ZXDC: variants seen among roughly 807,000 people sequenced by gnomAD.
ZXDC encodes the protein zinc finger protein ZXDC.
Under a neutral mutation model 63.6 loss-of-function variants are expected in ZXDC, and 58 were observed. That is an observed-to-expected ratio of 0.91 (90% CI 0.74 to 1.13). ZXDC has a LOEUF of 1.13. ZXDC is among the 50% of genes most tolerant of loss of function. The pLI is 0.00. For synonymous variants in ZXDC, 561 were observed against 496.1 expected (o/e 1.13, Z -1.74); for missense variants, 1,133 against 1,148.9 (o/e 0.99, Z 0.20).
chr3:126,458,990 C>A, intron 7 of ZXDC: 2 of 980,868 alleles, frequency 2.0e-6, no homozygotes, highest in Non-Finnish European at 2.4e-6. Flanking sequence ...TCATATCAAC[C>A]CTTTTAGATA....
intron 1 of ZXDC, 103 bp from the exon 2 acceptor site, chr3:126,472,408 A>G (rs1935015216): frequency 1.4e-6 from 2 of 1,391,336 alleles, no homozygotes; most frequent in African/African-American, 1.4e-5. Context: ...TGAAGCAGAC[A>G]AGGGAAAACA....
intron 9 of ZXDC, among the ~76,000 whole-genome samples, chr3:126,438,845 C>A (rs1174883571): frequency 6.6e-6 from 1 of 152,190 alleles, no homozygotes; most frequent in Non-Finnish European, 1.5e-5. Context: ...TGGCCCAGGG[C>A]TATGGAGGCC....
Position 126,461,582 on chromosome 3 carries a change from C to T in ZXDC, c.2080G>A (p.Gly694Ser), listed in dbSNP as rs560378046. The T allele has an allele frequency of 5.5e-5, 89 of 1,614,018 alleles. No homozygotes were observed. The highest frequency in any genetic ancestry group is 7.3e-5 in the Non-Finnish European group (86 of 1,180,010). ...STLPSPAEQH[G>S]AQDTELSAGT... is the part of the protein sequence containing the mutation. ...GCACTGAGCTCTGTGTCCTGGGCACCGTGCTGCTCTGCTGGACTGGGCAAC... is the reference window on the plus strand; with the variant it reads ...GCACTGAGCTCTGTGTCCTGGGCACTGTGCTGCTCTGCTGGACTGGGCAAC... Residue 694 changes from glycine to serine, a missense_variant, in exon 6 of 10, where the codon GGT (glycine) becomes AGT (serine). Transcript: ENST00000389709.
intron 7 of ZXDC, chr3:126,451,137 A>G: frequency 1.0e-6 from 1 of 985,498 alleles, no homozygotes; most frequent in Non-Finnish European, 1.2e-6. Context: ...TGGTAGCTCC[A>G]TCTTCATGTT....
At chr3:126,467,564 G>A (rs1934822427) in intron 4 of ZXDC, among the ~76,000 whole-genome samples, 1 of 152,218 alleles carries the variant, frequency 6.6e-6, no homozygotes. Flanking sequence ...ATAGGATACG[G>A]CCAGATGAGT....
At chr3:126,461,108 T>C (rs1317824470) in intron 6 of ZXDC, 17 of 987,258 alleles carry the variant, frequency 1.7e-5, no homozygotes, top group Non-Finnish European at 2.0e-5. Context: ...TTAATTCTAA[T>C]TTTAAAAAAG....
At chr3:126,441,201 G>C in intron 8 of ZXDC, 2 of 985,774 alleles carry the variant, frequency 2.0e-6, no homozygotes, top group Non-Finnish European at 2.4e-6. Flanking sequence ...CACAGCTGCA[G>C]GTATCTGTGG....
Position 126,473,086 on chromosome 3 carries a change from A to C in ZXDC, c.908-781T>G, listed in dbSNP as rs1348244379. Among the ~76,000 whole-genome samples the C allele has an allele frequency of 1.4e-4, 21 of 152,182 alleles. 1 individual carries two copies. The highest frequency in any genetic ancestry group is 1.4e-3 in the Admixed American group (21 of 15,276). Reference sequence around the variant, plus strand: ...GATGTACATGGCATAGCACTGCCCAAAAGTATCAGCCCAAGGAACCCTACT... The same window carrying C: ...GATGTACATGGCATAGCACTGCCCACAAGTATCAGCCCAAGGAACCCTACT... On this transcript the variant is annotated intron_variant, in intron 1 of 9. Transcript: ENST00000389709.
intron 6 of ZXDC, chr3:126,460,560 C>A (rs1934486170): frequency 2.0e-6 from 2 of 985,324 alleles, no homozygotes; most frequent in South Asian, 9.4e-5. Context: ...ACAGTCCTGG[C>A]ACCAGGGACT....
chr3:126,473,314 T>C (rs1560106896), intron 1 of ZXDC, among the ~76,000 whole-genome samples: 1 of 152,192 alleles, frequency 6.6e-6, no homozygotes, highest in Non-Finnish European at 1.5e-5. Context: ...TCTCACCTGC[T>C]AGAGACCCTC....
rs771502666 is a variant in ZXDC, at chr3:126,475,508, CGGGGGG to C, written c.352_357del (p.Pro118_Pro119del). The C allele has an allele frequency of 8.0e-7, 1 of 1,243,754 alleles. No individual in the cohort carries two copies. The highest frequency in any genetic ancestry group is 3.4e-5 in the East Asian group (1 of 29,480). 77.0% of individuals were successfully genotyped at this position (1,243,754 alleles called of 1,614,324 possible). A position where few individuals can be genotyped will look rare whatever the true frequency, so the allele number is the denominator to read the frequency against. On this transcript the variant is annotated inframe_deletion, in exon 1 of 10. Coordinates refer to ENST00000389709, the MANE Select transcript of ZXDC (RefSeq NM_025112.5). The stretch of plus-strand genomic sequence containing the variant: ...GCGCCCGCCGGGGCTACGCCAGGGC[CGGGGGG>C]GGCGGCCGGGCCGCTGGGGCCCTGC...
Position 126,461,720 on chromosome 3 carries a change from C to G in ZXDC, c.1942G>C (p.Glu648Gln). ...TTPTSSSTPR[E>Q]NASVPELLAP... Reference sequence around the variant, plus strand: ...AGCAGTTCCGGGACACTGGCATTTTCTCGGGGGGTGCTCGAAGAGGTCGGT... The same window carrying G: ...AGCAGTTCCGGGACACTGGCATTTTGTCGGGGGGTGCTCGAAGAGGTCGGT... Residue 648 changes from glutamate to glutamine, a missense_variant, in exon 6 of 10, where the codon GAA becomes CAA. Glu to Gln is a conservative substitution (Grantham distance 29). Coordinates refer to ENST00000389709, the MANE Select transcript of ZXDC (RefSeq NM_025112.5). 1.2e-6 allele frequency: 2 copies of G among 1,614,062 alleles called. No individual in the cohort carries two copies. The highest frequency in any genetic ancestry group is 1.7e-6 in the Non-Finnish European group (2 of 1,180,010).
At chr3:126,461,313 C>A in intron 6 of ZXDC, 1 of 1,355,578 alleles carries the variant, frequency 7.4e-7, no homozygotes, top group Non-Finnish European at 9.5e-7. Context: ...AGCATTTAGC[C>A]AAATCTCCTT....
chr3:126,451,940 AAG>A (rs1934120160), intron 7 of ZXDC: 2 of 985,354 alleles, frequency 2.0e-6, no homozygotes, highest in African/African-American at 3.5e-5. Context: ...ACACGACAAA[AAG>A]AACAAGGGCA....
In ZXDC at chr3:126,460,139, C is replaced by A. The variant is rs1232441681; in HGVS notation, c.2128-402G>T. ...ACACACGTGCATGGCAGGCCCGGGGCAGGTCCCACCTTAGAGACCCACTGT... is the reference window on the plus strand; with the variant it reads ...ACACACGTGCATGGCAGGCCCGGGGAAGGTCCCACCTTAGAGACCCACTGT... On this transcript the variant is annotated intron_variant, in intron 6 of 9. Coordinates refer to ENST00000389709, the MANE Select transcript of ZXDC (RefSeq NM_025112.5). The A allele has an allele frequency of 1.1e-5, 11 of 985,308 alleles. No homozygotes were observed. The Admixed American group carries it at 6.8e-4, about 61-fold the overall frequency. 61.0% of individuals were successfully genotyped at this position (985,308 alleles called of 1,614,324 possible).
chr3:126,464,493 G>A (rs1015716653), intron 5 of ZXDC, among the ~76,000 whole-genome samples: 4 of 152,164 alleles, frequency 2.6e-5, no homozygotes, highest in Non-Finnish European at 5.9e-5. Context: ...GTGACACCTG[G>A]TCTTCTACCC....
rs183703764 is a variant in ZXDC, at chr3:126,456,349, C to T, written c.2212+3304G>A. Among the ~76,000 whole-genome samples, 213 of 152,360 alleles carry T rather than the reference C, an allele frequency of 1.4e-3. 1 individual carries two copies. Among genetic ancestry groups the T allele is most frequent in the Non-Finnish European group, 2.2e-3 (151 of 68,036 alleles). On this transcript the variant is annotated intron_variant, in intron 7 of 9. Transcript: ENST00000389709. The stretch of plus-strand genomic sequence containing the variant: ...GGGCCACTTCCACAGTCTGTGCTAA[C>T]CCTGTGGTGGAGGCCTCGGGCACAC...
rs778587961 is a variant in ZXDC, at chr3:126,439,624, A to C, written c.2490+8T>G. 207 of 1,552,286 alleles carry C rather than the reference A, an allele frequency of 1.3e-4. No individual in the cohort carries two copies. The highest frequency in any genetic ancestry group is 1.7e-4 in the Non-Finnish European group (198 of 1,147,340). ...TAAGAAAAACAAAGGGCAGTAAGGC[A>C]TCCAGACCTGGAGGACGTAGACGGG... On this transcript the variant is annotated splice_region_variant and intron_variant, in intron 9 of 9. Coordinates refer to ENST00000389709, the MANE Select transcript of ZXDC (RefSeq NM_025112.5).
In ZXDC at chr3:126,475,406, C is replaced by CG. The variant is rs1935162129; in HGVS notation, c.459dup (p.Ala154ArgfsTer101). 1 of 1,185,174 alleles carries CG rather than the reference C, an allele frequency of 8.4e-7. No individual in the cohort carries two copies. Among genetic ancestry groups the CG allele is most frequent in the Non-Finnish European group, 1.0e-6 (1 of 956,948 alleles). The allele number at this position is 1,185,174 out of a possible 1,614,324, so 73.4% of individuals were successfully genotyped here. On this transcript the variant is annotated frameshift_variant, in exon 1 of 10. Transcript: ENST00000389709. LOFTEE classifies it high-confidence loss of function. ...CGGGGAGCGGCGGCGCCCGCGGTTG[C>CG]GGGGCCGGGCGGCGCAGACAGCGCG...
Sources: allele counts gnomAD v4.1 joint callset (sites outside exome capture counted in the v4.1 genomes callset), GRCh38; gene constraint gnomAD v4.1.1; transcripts MANE v1.5; gene names NCBI Gene and HGNC (gene_info 2026-07-23, HGNC 2026-07-21).